CALN1: variants seen among roughly 807,000 people sequenced by gnomAD.
CALN1 encodes calcium-binding protein 8.
In CALN1, 17 loss-of-function variants were observed where a neutral mutation model predicts 30.6. That is an observed-to-expected ratio of 0.56 (90% CI 0.38 to 0.83). The LOEUF is 0.83. Among genes scored for constraint, CALN1 ranks in the 40% least tolerant of loss-of-function variants. The pLI is 0.00. For synonymous variants in CALN1, 156 were observed against 131.4 expected, an observed-to-expected ratio of 1.19 and a Z score of -1.28; for missense variants, 291 against 354.9, an observed-to-expected ratio of 0.82 and a Z score of 1.45.
chr7:72,035,547 T>G (rs1801744329), intron 4 of CALN1, among the ~76,000 whole-genome samples: 1 of 152,212 alleles, frequency 6.6e-6, no homozygotes, highest in Admixed American at 6.5e-5. Context: ...TGCTGTATTC[T>G]TTTGTGTGTA....
intron 5 of CALN1, among the ~76,000 whole-genome samples, chr7:72,022,471 C>A (rs532914679): frequency 3.3e-5 from 5 of 152,364 alleles, no homozygotes; most frequent in Admixed American, 6.5e-5. Context: ...TAGCTCACTG[C>A]AGCTTTGAAC....
At chr7:72,362,994 A>G (rs1048037798) in intron 2 of CALN1, among the ~76,000 whole-genome samples, 3 of 152,236 alleles carry the variant, frequency 2.0e-5, no homozygotes, top group African/African-American at 7.2e-5. Context: ...GCAATTATAG[A>G]CAAGGTAGAA....
intron 5 of CALN1, among the ~76,000 whole-genome samples, chr7:71,910,462 C>T (rs1398563506): frequency 6.6e-6 from 1 of 152,172 alleles, no homozygotes; most frequent in African/African-American, 2.4e-5. Flanking sequence ...GTCCGTGCAC[C>T]AAACGTTTGT....
intron 2 of CALN1, among the ~76,000 whole-genome samples, chr7:72,298,472 A>G (rs1238086484): frequency 6.6e-6 from 1 of 152,170 alleles, no homozygotes; most frequent in Admixed American, 6.5e-5. Flanking sequence ...TAGAGTAACT[A>G]ATGAAGGGCT....
chr7:72,389,112 C>CAA (rs1237059101), intron 2 of CALN1, among the ~76,000 whole-genome samples: 1 of 152,180 alleles, frequency 6.6e-6, no homozygotes, highest in Non-Finnish European at 1.5e-5. Context: ...ATTTAACTTG[C>CAA]AAGCAGTATT....
At chr7:72,349,650 A>G (rs1241018123) in intron 2 of CALN1, among the ~76,000 whole-genome samples, 1 of 152,156 alleles carries the variant, frequency 6.6e-6, no homozygotes, top group Non-Finnish European at 1.5e-5. Context: ...AATACTGAGA[A>G]TTGTCATGAC....
At chr7:72,437,314 G>A (rs1308883690) in intron 1 of CALN1, among the ~76,000 whole-genome samples, 1 of 152,094 alleles carries the variant, frequency 6.6e-6, no homozygotes, top group African/African-American at 2.4e-5. Flanking sequence ...ACTCACTAAG[G>A]CCCCTCCCTG....
At chr7:71,900,076 A>G (rs1024030971) in intron 5 of CALN1, among the ~76,000 whole-genome samples, 1 of 152,208 alleles carries the variant, frequency 6.6e-6, no homozygotes, top group African/African-American at 2.4e-5. Flanking sequence ...CATGTCAAAA[A>G]TAGGAGAACG....
intron 5 of CALN1, among the ~76,000 whole-genome samples, chr7:71,943,068 C>T (rs1352721665): frequency 1.3e-5 from 2 of 152,140 alleles, no homozygotes; most frequent in Non-Finnish European, 2.9e-5. Context: ...CTCATGTCTC[C>T]CTAAATGGAT....
At position 72,125,187 on chromosome 7, in the gene CALN1, A is replaced by AT. The variant is rs576662545; in HGVS notation, c.245-18894dup. Reference sequence around the variant, plus strand: ...GGGACTACTCCCAGCTAATCTGTGTATTTTTTTGGTAGAGATGGGGTTTCA... The same window carrying AT: ...GGGACTACTCCCAGCTAATCTGTGTATTTTTTTTGGTAGAGATGGGGTTTCA... On this transcript the variant is annotated intron_variant, in intron 3 of 6. Transcript: ENST00000395275. 5.9e-3 allele frequency among the ~76,000 whole-genome samples: 897 copies of AT among 151,982 alleles called. 6 individuals carry two copies. The highest frequency in any genetic ancestry group is 0.024 in the Middle Eastern group (7 of 294).
At chr7:71,823,739 T>A (rs1052252998) in intron 5 of CALN1, among the ~76,000 whole-genome samples, 5 of 143,826 alleles carry the variant, frequency 3.5e-5, no homozygotes, top group Admixed American at 1.4e-4. Flanking sequence ...ATAAAAAAAA[T>A]TAATAAAAAG....
chr7:71,791,986 G>A (rs1786594067), intron 6 of CALN1, among the ~76,000 whole-genome samples: 1 of 151,984 alleles, frequency 6.6e-6, no homozygotes. Flanking sequence ...ACTCCAGTCT[G>A]GGAGGCAGCG....
intron 5 of CALN1, among the ~76,000 whole-genome samples, chr7:71,861,668 A>G (rs548076563): frequency 7.4e-4 from 111 of 150,394 alleles, no homozygotes; most frequent in Non-Finnish European, 1.4e-3. Context: ...AGTCCCAGCT[A>G]CTCGGGAGGC....
At chr7:71,978,073 A>T (rs1451827378) in intron 5 of CALN1, among the ~76,000 whole-genome samples, 1 of 151,618 alleles carries the variant, frequency 6.6e-6, no homozygotes, top group Admixed American at 6.6e-5. Flanking sequence ...TAGGCTCAAG[A>T]TCTGCATTCC....
chr7:72,343,375 T>C (rs1250913556), intron 2 of CALN1, among the ~76,000 whole-genome samples: 3 of 150,978 alleles, frequency 2.0e-5, no homozygotes, highest in Admixed American at 6.6e-5. Context: ...GGTGAAACTC[T>C]GTTTCTACTG....
chr7:72,359,422 T>C (rs777652605), intron 2 of CALN1, among the ~76,000 whole-genome samples: 2 of 152,232 alleles, frequency 1.3e-5, no homozygotes, highest in South Asian at 4.1e-4. Context: ...TTTACATATA[T>C]CTGCTGCTTC....
chr7:71,854,539 T>G (rs10950282), intron 5 of CALN1, among the ~76,000 whole-genome samples: 4 of 152,092 alleles, frequency 2.6e-5, no homozygotes, highest in African/African-American at 9.7e-5. Flanking sequence ...TGTGGTTACA[T>G]GCATGTTTGT....
intron 2 of CALN1, among the ~76,000 whole-genome samples, chr7:72,394,412 T>C (rs1226160586): frequency 3.3e-5 from 5 of 152,210 alleles, no homozygotes; most frequent in Non-Finnish European, 5.9e-5. Flanking sequence ...AGGATAAATG[T>C]TGCTCATACA....
At chr7:71,878,841 CTG>C (rs1792404488) in intron 5 of CALN1, among the ~76,000 whole-genome samples, 1 of 152,204 alleles carries the variant, frequency 6.6e-6, no homozygotes, top group Non-Finnish European at 1.5e-5. Context: ...GCCTGAATTC[CTG>C]GTGACCCAGA....
Sources: gnomAD v4.1 joint callset for allele counts (sites outside exome capture counted in the v4.1 genomes callset) on GRCh38, gnomAD v4.1.1 for gene constraint, MANE v1.5 for transcripts, NCBI Gene and HGNC (gene_info 2026-07-23, HGNC 2026-07-21) for gene names.